The following RAB27B variants were observed in gnomAD, a reference collection of about 807,000 sequenced individuals.
RAB27B encodes ras-related protein Rab-27B.
RAB27B carries 15 observed loss-of-function variants against 24.6 expected under a neutral mutation model. The observed-to-expected ratio is 0.61, with a 90% confidence interval of 0.41 to 0.94. The LOEUF (loss-of-function observed/expected upper bound fraction) is 0.94. Ranked by LOEUF, RAB27B falls within the 40% of genes least tolerant of loss-of-function variation. The pLI is 0.00. For synonymous variants in RAB27B, 105 were observed against 92.5 expected (o/e 1.14, Z -0.78); for missense variants, 261 against 266.8 (o/e 0.98, Z 0.15).
At chr18:54,763,207 A>G (rs918344508) in intron 2 of RAB27B, among the ~76,000 whole-genome samples, 4 of 152,180 alleles carry the variant, frequency 2.6e-5, no homozygotes, top group African/African-American at 9.7e-5. Context: ...ATCTAAAGTG[A>G]GAGTATTATG....
chr18:54,793,687 A>G (rs1044319944), intron 2 of RAB27B, among the ~76,000 whole-genome samples: 12 of 152,220 alleles, frequency 7.9e-5, no homozygotes, highest in Non-Finnish European at 1.5e-4. Flanking sequence ...GTTGGGCTGA[A>G]AACACCACTG....
chr18:54,848,073 T>C (rs981276333), intron 1 of RAB27B, among the ~76,000 whole-genome samples: 9 of 152,200 alleles, frequency 5.9e-5, no homozygotes, highest in Admixed American at 3.3e-4. Context: ...TTTGCCTTAT[T>C]TGAACAACGA....
At chr18:54,879,622 C>T (rs1912841484) in intron 3 of RAB27B, 168 bp downstream of exon 3, 4 of 606,694 alleles carry the variant, frequency 6.6e-6, no homozygotes, top group Non-Finnish European at 1.2e-5. Flanking sequence ...ATTAATTAAT[C>T]ACAGTAGCAC....
At chr18:54,804,262 C>G (rs1335669852) in intron 2 of RAB27B, among the ~76,000 whole-genome samples, 1 of 152,164 alleles carries the variant, frequency 6.6e-6, no homozygotes, top group African/African-American at 2.4e-5. Context: ...TTGACTGTGT[C>G]CTCACCAAAT....
chr18:54,869,770 T>A (rs1912389044), intron 1 of RAB27B, among the ~76,000 whole-genome samples: 1 of 152,076 alleles, frequency 6.6e-6, no homozygotes, highest in African/African-American at 2.4e-5. Context: ...ATATATAGAA[T>A]TAGAAATGTC....
chr18:54,883,333 G>T (rs1034635452), intron 3 of RAB27B, among the ~76,000 whole-genome samples: 26 of 152,160 alleles, frequency 1.7e-4, no homozygotes, highest in African/African-American at 6.0e-4. Flanking sequence ...AGTAAGAGGG[G>T]TCAAGAATAG....
intron 1 of RAB27B, among the ~76,000 whole-genome samples, chr18:54,842,438 T>A (rs1911153793): frequency 6.6e-6 from 1 of 152,228 alleles, no homozygotes; most frequent in Admixed American, 6.5e-5. Context: ...TCTGTAAAGC[T>A]TTATGTATAA....
upstream of RAB27B, chr18:54,828,163 G>T (rs890334388): frequency 4.6e-5 from 7 of 152,142 alleles, no homozygotes; most frequent in Admixed American, 1.3e-4. Flanking sequence ...CACCCCCTCG[G>T]AGGAGAGAAC....
intron 2 of RAB27B, among the ~76,000 whole-genome samples, chr18:54,807,476 AGCTTTAC>A (rs1909827995): frequency 1.3e-5 from 2 of 152,106 alleles, no homozygotes; most frequent in African/African-American, 4.8e-5. Flanking sequence ...GGGAACTTGG[AGCTTTAC>A]AGGATTGAAC....
chr18:54,842,887 C>T (rs888775485), intron 1 of RAB27B, among the ~76,000 whole-genome samples: 11 of 152,208 alleles, frequency 7.2e-5, no homozygotes, highest in East Asian at 5.8e-4. Context: ...CTCTGCCTCC[C>T]GGGTTCATGC....
At chr18:54,822,591 A>T (rs1371704223) in intron 2 of RAB27B, among the ~76,000 whole-genome samples, 1 of 152,246 alleles carries the variant, frequency 6.6e-6, no homozygotes, top group African/African-American at 2.4e-5. Flanking sequence ...ACATACAATT[A>T]TATATGCTAA....
At chr18:54,849,900 C>A (rs929357819) in intron 1 of RAB27B, among the ~76,000 whole-genome samples, 1 of 152,128 alleles carries the variant, frequency 6.6e-6, no homozygotes, top group East Asian at 1.9e-4. Flanking sequence ...AAGAGGCATT[C>A]AGCTGTTCTC....
intron 1 of RAB27B, among the ~76,000 whole-genome samples, chr18:54,837,449 G>T (rs569915310): frequency 6.6e-6 from 1 of 152,098 alleles, no homozygotes; most frequent in Non-Finnish European, 1.5e-5. Flanking sequence ...AAAAGGAAAG[G>T]CAGGTTGGGG....
At chr18:54,745,782 A>G (rs1249098210) in intron 2 of RAB27B, among the ~76,000 whole-genome samples, 1 of 147,034 alleles carries the variant, frequency 6.8e-6, no homozygotes, top group Non-Finnish European at 1.5e-5. Context: ...ATTTATAAAT[A>G]TTTATTATTT....
intron 2 of RAB27B, among the ~76,000 whole-genome samples, chr18:54,799,499 A>G (rs1330316057): frequency 6.6e-6 from 1 of 152,094 alleles, no homozygotes; most frequent in Non-Finnish European, 1.5e-5. Flanking sequence ...ATTGATTTAT[A>G]CATGAAAATA....
At chr18:54,872,177 A>C (rs566618940) in intron 1 of RAB27B, among the ~76,000 whole-genome samples, 9 of 152,304 alleles carry the variant, frequency 5.9e-5, no homozygotes, top group African/African-American at 2.2e-4. Flanking sequence ...GACCTATTCA[A>C]CCGACAGCTT....
chr18:54,855,143 G>T (rs751816996), intron 1 of RAB27B, among the ~76,000 whole-genome samples: 1 of 152,212 alleles, frequency 6.6e-6, no homozygotes, highest in Non-Finnish European at 1.5e-5. Flanking sequence ...GTGCAACCCA[G>T]ATCCCTTGCA....
chr18:54,746,602 A>G (rs77749890), intron 2 of RAB27B, among the ~76,000 whole-genome samples: 2,777 of 152,292 alleles, frequency 0.018, 87 homozygotes, highest in African/African-American at 0.058. Flanking sequence ...CAAGCTTACT[A>G]TTAAGATAGA....
intron 1 of RAB27B, among the ~76,000 whole-genome samples, chr18:54,856,824 T>A (rs1033072052): frequency 1.3e-5 from 2 of 152,214 alleles, no homozygotes; most frequent in East Asian, 3.8e-4. Flanking sequence ...AATGAGTAAA[T>A]CAGTTAATCT....
Sources: allele counts gnomAD v4.1 joint callset (sites outside exome capture counted in the v4.1 genomes callset), GRCh38; gene constraint gnomAD v4.1.1; transcripts MANE v1.5; gene names NCBI Gene and HGNC (gene_info 2026-07-23, HGNC 2026-07-21).